The following DLC1 variants were observed in gnomAD, a reference collection of about 807,000 sequenced individuals.
DLC1 encodes the protein DLC1 Rho GTPase activating protein.
Under a neutral mutation model 140.3 loss-of-function variants are expected in DLC1, and 54 were observed. The ratio of observed to expected loss-of-function variants is 0.38; its 90% CI spans 0.31 to 0.48. The LOEUF (loss-of-function observed/expected upper bound fraction) is 0.48. Among genes scored for constraint, DLC1 ranks in the 20% least tolerant of loss-of-function variants. DLC1 has a pLI of 0.96. For missense variants in DLC1, 2,536 were observed against 1,907.0 expected (o/e 1.33, Z -6.14); for synonymous variants, 986 against 728.1 (o/e 1.35, Z -5.70).
intron 1 of DLC1, among the ~76,000 whole-genome samples, chr8:13,575,125 A>G (rs1014776873): frequency 6.6e-6 from 1 of 152,214 alleles, no homozygotes; most frequent in African/African-American, 2.4e-5. Flanking sequence ...ACTGGCAGTC[A>G]ACTCAAATTA....
In DLC1 at chr8:13,524,577, A is replaced by G. The variant is rs137864798; in HGVS notation, c.-125-24381T>C. 3.9e-3 allele frequency among the ~76,000 whole-genome samples: 594 copies of G among 152,282 alleles called. 6 individuals are homozygous for G. The highest frequency in any genetic ancestry group is 0.014 in the African/African-American group (576 of 41,574). ...AGTCATCTGCATGATTTTTTATCTAATACCAGCTCCTGTATTTCTCTCAAT... is the reference window on the plus strand; with the variant it reads ...AGTCATCTGCATGATTTTTTATCTAGTACCAGCTCCTGTATTTCTCTCAAT... On this transcript the variant is annotated intron_variant, in intron 1 of 1. Transcript: ENST00000631382.
intron 1 of DLC1, among the ~76,000 whole-genome samples, chr8:13,520,545 A>C (rs935022173): frequency 6.6e-6 from 1 of 152,204 alleles, no homozygotes; most frequent in African/African-American, 2.4e-5. Context: ...TGGGTGCAGC[A>C]AACCACCATG....
intron 5 of DLC1, among the ~76,000 whole-genome samples, chr8:13,120,359 A>ATATATATATATATATG (rs1820954344): frequency 7.2e-6 from 1 of 139,812 alleles, no homozygotes; most frequent in Non-Finnish European, 1.5e-5. Flanking sequence ...AAAAAAAAAT[A>ATATATATATATATATG]TATATATATA....
chr8:13,152,512 T>C (rs1823897622), intron 5 of DLC1, among the ~76,000 whole-genome samples: 1 of 152,184 alleles, frequency 6.6e-6, no homozygotes, highest in Non-Finnish European at 1.5e-5. Flanking sequence ...CATGAAATAT[T>C]GAGGCAACCT....
chr8:13,298,497 A>T (rs1211452332), intron 5 of DLC1, among the ~76,000 whole-genome samples: 1 of 152,214 alleles, frequency 6.6e-6, no homozygotes, highest in Non-Finnish European at 1.5e-5. Context: ...GTTTTACAGA[A>T]CATCTATATT....
chr8:13,188,841 ATATTTTTTTTTT>A (rs1826568853), intron 5 of DLC1, among the ~76,000 whole-genome samples: 1 of 26,690 alleles, frequency 3.7e-5, no homozygotes, highest in Non-Finnish European at 7.4e-5. Flanking sequence ...ATATATATAT[ATATTTTTTTTTT>A]TTTTTTTTTT....
chr8:13,373,340 T>C (rs1835813624), intron 4 of DLC1, among the ~76,000 whole-genome samples: 1 of 152,214 alleles, frequency 6.6e-6, no homozygotes, highest in Admixed American at 6.5e-5. Context: ...CTTTTGGTTT[T>C]CCCTGAGGTT....
intron 1 of DLC1, among the ~76,000 whole-genome samples, chr8:13,562,164 A>G (rs1804267203): frequency 6.6e-6 from 1 of 152,138 alleles, no homozygotes; most frequent in Admixed American, 6.5e-5. Context: ...ATAAAAAATA[A>G]CTAACAAAAT....
At chr8:13,282,240 G>A (rs1026912610) in intron 5 of DLC1, among the ~76,000 whole-genome samples, 5 of 152,078 alleles carry the variant, frequency 3.3e-5, no homozygotes, top group African/African-American at 1.2e-4. Flanking sequence ...TCTCTCTCTG[G>A]AGCTGTTTGT....
At chr8:13,199,451 G>A (rs1042354008) in intron 5 of DLC1, among the ~76,000 whole-genome samples, 3 of 151,980 alleles carry the variant, frequency 2.0e-5, no homozygotes, top group African/African-American at 7.2e-5. Context: ...AAGGTGATGG[G>A]ATTACAGGCT....
At chr8:13,294,972 T>C (rs1015798677) in intron 5 of DLC1, among the ~76,000 whole-genome samples, 5 of 152,172 alleles carry the variant, frequency 3.3e-5, no homozygotes, top group African/African-American at 1.2e-4. Context: ...TTCTTGTTAT[T>C]ATTACCAATT....
intron 15 of DLC1, among the ~76,000 whole-genome samples, chr8:13,089,068 G>T (rs1563563272): frequency 6.6e-6 from 1 of 151,912 alleles, no homozygotes; most frequent in Non-Finnish European, 1.5e-5. Flanking sequence ...AGACCAGCCT[G>T]GCCAACATGG....
intron 2 of DLC1, among the ~76,000 whole-genome samples, chr8:13,432,652 A>G (rs1585098157): frequency 6.6e-6 from 1 of 152,248 alleles, no homozygotes; most frequent in East Asian, 1.9e-4. Flanking sequence ...GGGAACGTGT[A>G]AAGTGCCTCA....
intron 2 of DLC1, among the ~76,000 whole-genome samples, chr8:13,405,957 C>CTTTCTTTCTTT (rs1837523784): frequency 1.1e-5 from 1 of 92,738 alleles, no homozygotes; most frequent in African/African-American, 4.1e-5. Flanking sequence ...TTCTTTCTTT[C>CTTTCTTTCTTT]TTTCTTTCTT....
intron 2 of DLC1, among the ~76,000 whole-genome samples, chr8:13,409,613 A>T (rs984659128): frequency 6.6e-6 from 1 of 152,122 alleles, no homozygotes; most frequent in African/African-American, 2.4e-5. Flanking sequence ...CTGTGTTTTC[A>T]TTCATGTAAT....
intron 5 of DLC1, among the ~76,000 whole-genome samples, chr8:13,267,843 T>C (rs1188720339): frequency 1.3e-5 from 2 of 151,882 alleles, no homozygotes; most frequent in Non-Finnish European, 2.9e-5. Context: ...GGTTACATTA[T>C]GGTATCAGGG....
chr8:13,390,547 AAC>A (rs1836706420), intron 4 of DLC1, among the ~76,000 whole-genome samples: 2 of 152,332 alleles, frequency 1.3e-5, no homozygotes, highest in South Asian at 4.1e-4. Context: ...TTGAGGAATT[AAC>A]ACACTGTCTT....
chr8:13,304,839 C>T (rs777064433), intron 5 of DLC1: 1 of 981,818 alleles, frequency 1.0e-6, no homozygotes, highest in Admixed American at 6.1e-5. Flanking sequence ...ATTCACATTG[C>T]TTCATCACTA....
At chr8:13,542,137 T>G (rs897075607) in intron 1 of DLC1, among the ~76,000 whole-genome samples, 1 of 152,372 alleles carries the variant, frequency 6.6e-6, no homozygotes, top group South Asian at 2.1e-4. Flanking sequence ...AAATGTTTAC[T>G]TAATTCAAGA....
Sources: allele counts gnomAD v4.1 joint callset (sites outside exome capture counted in the v4.1 genomes callset), GRCh38; gene constraint gnomAD v4.1.1; transcripts MANE v1.5; gene names NCBI Gene and HGNC (gene_info 2026-07-23, HGNC 2026-07-21).